Variants in GALNT13 observed in about 807,000 individuals in gnomAD.
The protein encoded by GALNT13 is UDP-GalNAc:polypeptide N-acetylgalactosaminyltransferase 13.
GALNT13 carries 28 observed loss-of-function variants against 64.2 expected under a neutral mutation model. The observed-to-expected ratio is 0.44, with a 90% CI of 0.32 to 0.60. The LOEUF is 0.60. GALNT13 is among the 20% of genes least tolerant of loss of function. The probability of loss-of-function intolerance (pLI) is 0.05; values close to 1 mark genes in which losing one functional copy is unlikely to be tolerated. For missense variants in GALNT13, 577 were observed against 669.8 expected (o/e 0.86, Z 1.53); for synonymous variants, 214 against 224.6 (o/e 0.95, Z 0.42).
chr2:153,773,538 AT>A, the GALNT13 span, among the ~76,000 whole-genome samples: 25 of 152,146 alleles, frequency 1.6e-4, no homozygotes, highest in African/African-American at 5.8e-4. Flanking sequence ...GATGTCCTTT[AT>A]TGAAGTAATT....
At chr2:154,364,213 T>G (rs922105898) in intron 9 of GALNT13, among the ~76,000 whole-genome samples, 1 of 152,234 alleles carries the variant, frequency 6.6e-6, no homozygotes, top group African/African-American at 2.4e-5. Context: ...AGAAAGGTTA[T>G]TTCTAATTTT....
intron 3 of GALNT13, among the ~76,000 whole-genome samples, chr2:153,972,548 C>G (rs1006827655): frequency 6.6e-6 from 1 of 151,986 alleles, no homozygotes; most frequent in Admixed American, 6.6e-5. Context: ...TATAAGTAGG[C>G]TGCTGCTTAT....
At chr2:154,431,935 A>C (rs2105450164) in intron 11 of GALNT13, among the ~76,000 whole-genome samples, 1 of 152,288 alleles carries the variant, frequency 6.6e-6, no homozygotes, top group East Asian at 1.9e-4. Flanking sequence ...TGAGTCCATT[A>C]AACCTCTTTC....
the GALNT13 span, among the ~76,000 whole-genome samples, chr2:153,299,093 T>C: frequency 2.0e-5 from 3 of 152,276 alleles, no homozygotes; most frequent in East Asian, 5.8e-4. Flanking sequence ...CAAATCCAAA[T>C]AATAGAATTT....
chr2:153,756,639 T>C, the GALNT13 span, among the ~76,000 whole-genome samples: 1 of 152,110 alleles, frequency 6.6e-6, no homozygotes, highest in Admixed American at 6.6e-5. Flanking sequence ...TATCTTTTAA[T>C]TATGAGAAAC....
chr2:153,666,073 G>A, the GALNT13 span, among the ~76,000 whole-genome samples: 1 of 152,028 alleles, frequency 6.6e-6, no homozygotes, highest in Admixed American at 6.6e-5. Context: ...AGGCTCTCCT[G>A]GGGTGCCTGC....
chr2:153,663,707 C>T, the GALNT13 span, among the ~76,000 whole-genome samples: 1 of 152,160 alleles, frequency 6.6e-6, no homozygotes, highest in East Asian at 1.9e-4. Flanking sequence ...TTAGAGTTCT[C>T]CTTTATTGTC....
At chr2:153,320,848 T>C in the GALNT13 span, among the ~76,000 whole-genome samples, 1 of 152,232 alleles carries the variant, frequency 6.6e-6, no homozygotes, top group African/African-American at 2.4e-5. Flanking sequence ...GTTCCTTTTC[T>C]GTTTGCAGAT....
chr2:154,054,345 A>G (rs986300987), intron 3 of GALNT13, among the ~76,000 whole-genome samples: 2 of 151,932 alleles, frequency 1.3e-5, no homozygotes, highest in African/African-American at 4.8e-5. Context: ...CAAATAATTC[A>G]TTTTTATTTT....
At chr2:153,619,889 A>T in the GALNT13 span, among the ~76,000 whole-genome samples, 1 of 151,974 alleles carries the variant, frequency 6.6e-6, no homozygotes, top group East Asian at 1.9e-4. Flanking sequence ...AAAATAGTTG[A>T]TCTTTGGGAG....
chr2:153,932,602 T>G (rs1190085179), intron 2 of GALNT13, among the ~76,000 whole-genome samples: 1 of 148,816 alleles, frequency 6.7e-6, no homozygotes, highest in Non-Finnish European at 1.5e-5. Flanking sequence ...CTTCTTTTTC[T>G]TTTTTTTCTT....
At chr2:153,665,464 T>C in the GALNT13 span, among the ~76,000 whole-genome samples, 3 of 152,164 alleles carry the variant, frequency 2.0e-5, no homozygotes, top group African/African-American at 7.2e-5. Flanking sequence ...TATGTGTAGA[T>C]GTGAATCAAT....
At chr2:153,598,658 T>C in the GALNT13 span, among the ~76,000 whole-genome samples, 1 of 152,108 alleles carries the variant, frequency 6.6e-6, no homozygotes, top group Admixed American at 6.6e-5. Context: ...ACAGTACTAC[T>C]GACTGAATCA....
At chr2:153,085,412 G>A in the GALNT13 span, among the ~76,000 whole-genome samples, 4 of 152,274 alleles carry the variant, frequency 2.6e-5, no homozygotes, top group African/African-American at 9.6e-5. Context: ...ACGCCTGGAG[G>A]CCTAGGAGGA....
intron 9 of GALNT13, among the ~76,000 whole-genome samples, chr2:154,348,605 C>T (rs1052824587): frequency 5.3e-5 from 8 of 152,040 alleles, no homozygotes; most frequent in African/African-American, 1.9e-4. Context: ...AAAGCCATGG[C>T]ATCTATTTTA....
At chr2:153,276,101 T>A in the GALNT13 span, among the ~76,000 whole-genome samples, 1 of 152,160 alleles carries the variant, frequency 6.6e-6, no homozygotes, top group African/African-American at 2.4e-5. Flanking sequence ...TTATTTCTGG[T>A]ATTCTATTTT....
At chr2:153,412,324 A>C in the GALNT13 span, among the ~76,000 whole-genome samples, 2 of 152,166 alleles carry the variant, frequency 1.3e-5, no homozygotes, top group Non-Finnish European at 2.9e-5. Flanking sequence ...GTGTGATTCA[A>C]ATATGTCAGT....
chr2:153,299,394 G>T, the GALNT13 span, among the ~76,000 whole-genome samples: 147 of 152,234 alleles, frequency 9.7e-4, 1 homozygote, highest in African/African-American at 3.5e-3. Context: ...GAATGGGTGG[G>T]GCTTATAGGG....
the GALNT13 span, among the ~76,000 whole-genome samples, chr2:153,325,145 T>C: frequency 1.2e-5 from 1 of 81,042 alleles, no homozygotes; most frequent in Non-Finnish European, 2.6e-5. Flanking sequence ...TTTTTTTTGG[T>C]TGGGAGGCTA....
Sources: allele counts gnomAD v4.1 joint callset (sites outside exome capture counted in the v4.1 genomes callset), GRCh38; gene constraint gnomAD v4.1.1; transcripts MANE v1.5; gene names NCBI Gene and HGNC (gene_info 2026-07-23, HGNC 2026-07-21).